MEGF11: variants seen among roughly 807,000 people sequenced by gnomAD.
The protein encoded by MEGF11 is multiple EGF like domains 11.
A neutral mutation model predicts 146.6 loss-of-function variants in MEGF11; 126 were observed. That is an observed-to-expected ratio of 0.86 (90% CI 0.74 to 1.00). MEGF11 has a LOEUF of 1.00. MEGF11 is among the 50% of genes least tolerant of loss of function. The pLI is 0.00. For missense variants in MEGF11, 1,509 were observed against 1,521.2 expected (o/e 0.99, Z 0.13); for synonymous variants, 532 against 583.4 (o/e 0.91, Z 1.27).
intron 9 of MEGF11, among the ~76,000 whole-genome samples, chr15:65,963,050 G>C (rs1463555778): frequency 6.6e-6 from 1 of 152,226 alleles, no homozygotes; most frequent in Non-Finnish European, 1.5e-5. Context: ...CCAGGCACAG[G>C]AGGAAAACAG....
chr15:66,157,181 C>CA (rs988159152), intron 1 of MEGF11, among the ~76,000 whole-genome samples: 21 of 152,194 alleles, frequency 1.4e-4, no homozygotes, highest in African/African-American at 4.8e-4. Context: ...TTGACAACCC[C>CA]ACACGGACAA....
intron 1 of MEGF11, among the ~76,000 whole-genome samples, chr15:66,161,662 G>A (rs2141077813): frequency 6.6e-6 from 1 of 152,192 alleles, no homozygotes; most frequent in South Asian, 2.1e-4. Context: ...CAAAGTGCTG[G>A]GGGATTACAG....
chr15:66,061,345 C>T (rs1230340153), intron 5 of MEGF11, among the ~76,000 whole-genome samples: 1 of 152,208 alleles, frequency 6.6e-6, no homozygotes, highest in East Asian at 1.9e-4. Flanking sequence ...AGTTTTCCCA[C>T]CTCACTGTCC....
At chr15:66,048,099 C>G (rs1411921448) in intron 5 of MEGF11, among the ~76,000 whole-genome samples, 1 of 152,194 alleles carries the variant, frequency 6.6e-6, no homozygotes, top group African/African-American at 2.4e-5. Flanking sequence ...GCATGTACCA[C>G]CACGCCCAGC....
Position 65,897,747 on chromosome 15 carries a change from T to A in MEGF11, c.*187A>T, listed in dbSNP as rs1222829160. On this transcript the variant is annotated 3_prime_UTR_variant, in exon 26 of 26. Coordinates refer to ENST00000395614, the MANE Select transcript of MEGF11 (RefSeq NM_001385028.1). The stretch of plus-strand genomic sequence containing the variant: ...GGCTGAGTGGGTGATAGGATTTGCC[T>A]TTGAGAACACAATTCCTTGAACAAT... 1.5e-5 allele frequency: 8 copies of A among 518,566 alleles called. No homozygotes were observed. The highest frequency in any genetic ancestry group is 2.6e-5 in the Non-Finnish European group (8 of 310,402). 32.1% of individuals were successfully genotyped at this position (518,566 alleles called of 1,614,324 possible). A position where few individuals can be genotyped will look rare whatever the true frequency, so the allele number is the denominator to read the frequency against.
intron 1 of MEGF11, among the ~76,000 whole-genome samples, chr15:66,191,221 G>A (rs1259177365): frequency 6.6e-6 from 1 of 152,208 alleles, no homozygotes; most frequent in Admixed American, 6.5e-5. Flanking sequence ...CTGCAATGGG[G>A]ACCACGGTGA....
intron 9 of MEGF11, among the ~76,000 whole-genome samples, chr15:65,963,273 C>T (rs374378114): frequency 1.2e-4 from 18 of 152,314 alleles, no homozygotes; most frequent in African/African-American, 3.6e-4. Flanking sequence ...CTGTAATTAG[C>T]GCCTTGGAGC....
intron 1 of MEGF11, among the ~76,000 whole-genome samples, chr15:66,210,104 G>C (rs185446339): frequency 2.1e-3 from 326 of 152,298 alleles, no homozygotes; most frequent in African/African-American, 7.6e-3. Context: ...GGGGTTACAG[G>C]TGTGAGCTAC....
intron 1 of MEGF11, among the ~76,000 whole-genome samples, chr15:66,190,867 G>A (rs1386253994): frequency 6.6e-6 from 1 of 152,144 alleles, no homozygotes; most frequent in Non-Finnish European, 1.5e-5. Context: ...GCTTGTTTCA[G>A]TTCAAAAAAG....
intron 5 of MEGF11, among the ~76,000 whole-genome samples, chr15:66,022,618 A>G (rs1455808603): frequency 6.6e-6 from 1 of 152,182 alleles, no homozygotes; most frequent in Non-Finnish European, 1.5e-5. Flanking sequence ...TGAGGCCAGT[A>G]GTTTGGGACC....
chr15:66,156,927 G>A (rs552384188), intron 1 of MEGF11, among the ~76,000 whole-genome samples: 6 of 152,116 alleles, frequency 3.9e-5, no homozygotes, highest in Middle Eastern at 3.4e-3. Flanking sequence ...CCTTCCCACC[G>A]GCCTTGGAAC....
chr15:66,161,955 G>A (rs572910350), intron 1 of MEGF11, among the ~76,000 whole-genome samples: 29 of 152,104 alleles, frequency 1.9e-4, no homozygotes, highest in Non-Finnish European at 3.5e-4. Context: ...ATATACACGC[G>A]GAACTGAAAC....
At chr15:65,916,050 C>T in intron 18 of MEGF11, 98 bp downstream of exon 18, 1 of 1,413,362 alleles carries the variant, frequency 7.1e-7, no homozygotes, top group Non-Finnish European at 9.4e-7. Context: ...CCAAGGGGTA[C>T]AGAGCCCTGA....
chr15:65,972,710 A>G (rs2141622865), intron 7 of MEGF11, among the ~76,000 whole-genome samples: 1 of 152,368 alleles, frequency 6.6e-6, no homozygotes, highest in South Asian at 2.1e-4. Context: ...ACCCAACTAA[A>G]CTAACACTCA....
At chr15:66,061,748 G>A (rs771141391) in intron 5 of MEGF11, among the ~76,000 whole-genome samples, 10 of 150,750 alleles carry the variant, frequency 6.6e-5, no homozygotes, top group Admixed American at 5.3e-4. Context: ...AAATCCTCCC[G>A]CTTTGGCCTC....
chr15:66,041,713 C>T (rs2083986885), intron 5 of MEGF11, among the ~76,000 whole-genome samples: 1 of 152,192 alleles, frequency 6.6e-6, no homozygotes, highest in African/African-American at 2.4e-5. Context: ...AAAATATTTA[C>T]TATCTGGTCC....
At chr15:66,248,178 G>A (rs1039662758) in intron 1 of MEGF11, among the ~76,000 whole-genome samples, 2 of 152,122 alleles carry the variant, frequency 1.3e-5, no homozygotes, top group African/African-American at 2.4e-5. Flanking sequence ...TATAACACCT[G>A]GAAATGTTGC....
chr15:66,065,540 C>T (rs1303199177), intron 5 of MEGF11, among the ~76,000 whole-genome samples: 3 of 152,132 alleles, frequency 2.0e-5, no homozygotes, highest in Non-Finnish European at 4.4e-5. Context: ...GAGACTCAGA[C>T]CAGCTCCCTT....
intron 4 of MEGF11, among the ~76,000 whole-genome samples, chr15:66,117,069 C>T (rs531472419): frequency 3.9e-5 from 6 of 152,164 alleles, no homozygotes; most frequent in African/African-American, 1.4e-4. Flanking sequence ...GGATACCTTC[C>T]TCATAGGGCT....
Sources: gnomAD v4.1 joint callset for allele counts (sites outside exome capture counted in the v4.1 genomes callset) on GRCh38, gnomAD v4.1.1 for gene constraint, MANE v1.5 for transcripts, NCBI Gene and HGNC (gene_info 2026-07-23, HGNC 2026-07-21) for gene names.